ZNF385D: variants seen among roughly 807,000 people sequenced by gnomAD.
ZNF385D encodes the protein zinc finger protein 659.
ZNF385D carries 15 observed loss-of-function variants against 35.8 expected under a neutral mutation model. That is an observed-to-expected ratio of 0.42 (90% CI 0.28 to 0.64). The LOEUF (loss-of-function observed/expected upper bound fraction) is 0.64, where lower values mean the gene tolerates loss of function less well. Among genes scored for constraint, ZNF385D ranks in the 30% least tolerant of loss-of-function variants. The pLI, the probability that ZNF385D is intolerant of heterozygous loss-of-function variation, is 0.23. For missense variants in ZNF385D, 474 were observed against 494.6 expected, an observed-to-expected ratio of 0.96 and a Z score of 0.39; for synonymous variants, 212 against 186.8, an observed-to-expected ratio of 1.13 and a Z score of -1.10.
chr3:21,568,039 T>C (rs2063209424), intron 2 of ZNF385D, among the ~76,000 whole-genome samples: 1 of 151,866 alleles, frequency 6.6e-6, no homozygotes, highest in Non-Finnish European at 1.5e-5. Flanking sequence ...AGAGACAATT[T>C]TATTTCCCAG....
intron 3 of ZNF385D, chr3:21,562,035 G>GTGAT: frequency 7.0e-6 from 1 of 142,540 alleles, no homozygotes; most frequent in East Asian, 2.1e-4. Flanking sequence ...ATGACCCAAA[G>GTGAT]TGATTAGTCC....
At chr3:21,520,554 C>T (rs1371011458) in intron 3 of ZNF385D, among the ~76,000 whole-genome samples, 1 of 152,158 alleles carries the variant, frequency 6.6e-6, no homozygotes, top group Admixed American at 6.5e-5. Context: ...TGCTGGAAAA[C>T]CATCTGGCAC....
At chr3:22,024,310 T>C (rs1453215105) in intron 3 of ZNF385D, among the ~76,000 whole-genome samples, 2 of 151,996 alleles carry the variant, frequency 1.3e-5, no homozygotes, top group Non-Finnish European at 2.9e-5. Context: ...AACTCCCCTA[T>C]ATATGTGTGC....
intron 1 of ZNF385D, among the ~76,000 whole-genome samples, chr3:21,689,130 C>CAAAA (rs5847126): frequency 9.6e-5 from 11 of 114,326 alleles, no homozygotes; most frequent in Non-Finnish European, 1.2e-4. Flanking sequence ...CTTATTGAAG[C>CAAAA]AAAAAAAAAA....
At chr3:21,890,660 G>T (rs962909958) in intron 3 of ZNF385D, among the ~76,000 whole-genome samples, 1 of 151,856 alleles carries the variant, frequency 6.6e-6, no homozygotes, top group African/African-American at 2.4e-5. Context: ...GAGAAAAAAG[G>T]TAAGTTACGG....
intron 3 of ZNF385D, among the ~76,000 whole-genome samples, chr3:21,852,992 T>C (rs189502990): frequency 1.3e-5 from 2 of 151,846 alleles, no homozygotes; most frequent in African/African-American, 4.8e-5. Flanking sequence ...TAATAAAACA[T>C]CCCTCTGGAC....
At chr3:21,668,381 C>A (rs1429784591) in intron 1 of ZNF385D, among the ~76,000 whole-genome samples, 1 of 152,140 alleles carries the variant, frequency 6.6e-6, no homozygotes, top group Non-Finnish European at 1.5e-5. Context: ...TAGGCTGAGG[C>A]CTCTGCTGTG....
chr3:22,100,105 G>C (rs1339858658), intron 3 of ZNF385D, among the ~76,000 whole-genome samples: 2 of 148,428 alleles, frequency 1.3e-5, no homozygotes, highest in South Asian at 2.2e-4. Flanking sequence ...CTGGCCATCA[G>C]AGAAATGTAA....
chr3:21,674,593 A>G (rs2066668308), intron 1 of ZNF385D, among the ~76,000 whole-genome samples: 1 of 152,066 alleles, frequency 6.6e-6, no homozygotes. Context: ...TGCTCTTGAA[A>G]CCTACATCAA....
Position 21,984,175 on chromosome 3 carries a change from T to A in ZNF385D, c.325+184642A>T, listed in dbSNP as rs1448739022. 5.2e-5 allele frequency among the ~76,000 whole-genome samples: 7 copies of A among 134,600 alleles called. No homozygotes were observed. The South Asian group carries it at 1.3e-3, about 26-fold the overall frequency. The allele number at this position is 134,600 out of a possible 152,430, so 88.3% of individuals were successfully genotyped here. Reference sequence around the variant, plus strand: ...GCAGAAGCTCTTTAGTTTAATTAGATCCCATTTGTCAATTTTGGCTTTTGT... The same window carrying A: ...GCAGAAGCTCTTTAGTTTAATTAGAACCCATTTGTCAATTTTGGCTTTTGT... On this transcript the variant is annotated intron_variant, in intron 3 of 5. Transcript: ENST00000494108.
chr3:21,696,231 C>T (rs186892654), intron 1 of ZNF385D, among the ~76,000 whole-genome samples: 44 of 152,260 alleles, frequency 2.9e-4, no homozygotes, highest in Non-Finnish European at 5.3e-4. Flanking sequence ...AGTTTGAACA[C>T]GGACTTTGGA....
rs534914798 is a variant in ZNF385D at position 21,988,545 on chromosome 3, T to G, written c.325+180272A>C. On this transcript the variant is annotated intron_variant, in intron 3 of 5. Coordinates refer to the ZNF385D transcript ENST00000494108. Reference sequence around the variant, plus strand: ...GCCCGTTCTCAGATCTCCAGCTGCATGCTGGGAGAACCACTGCTCTGTTCA... The same window carrying G: ...GCCCGTTCTCAGATCTCCAGCTGCAGGCTGGGAGAACCACTGCTCTGTTCA... Among the ~76,000 whole-genome samples the G allele has an allele frequency of 1.1e-3, 166 of 149,366 alleles. 1 individual carries two copies. Among genetic ancestry groups the G allele is most frequent in the African/African-American group, 3.8e-3 (158 of 41,370 alleles).
At chr3:21,888,871 ACCACCTGCTACAG>A (rs1419479494) in intron 3 of ZNF385D, among the ~76,000 whole-genome samples, 7 of 152,216 alleles carry the variant, frequency 4.6e-5, no homozygotes, top group African/African-American at 1.7e-4. Flanking sequence ...CTCCTGTCTG[ACCACCTGCTACAG>A]CCAGTGACTT....
Position 22,094,391 on chromosome 3 carries a change from T to G in ZNF385D, c.325+74426A>C, listed in dbSNP as rs1302276761. Among the ~76,000 whole-genome samples the G allele has an allele frequency of 3.1e-4, 35 of 111,934 alleles. 1 individual carries two copies. Among genetic ancestry groups the G allele is most frequent in the African/African-American group, 8.7e-4 (32 of 36,698 alleles). 73.4% of individuals were successfully genotyped at this position (111,934 alleles called of 152,430 possible). ...TCTTCTGTCATTTATTGTTGATATA[T>G]ATATATATATATATATATAAAGGCA... On this transcript the variant is annotated intron_variant, in intron 3 of 5. Coordinates refer to the ZNF385D transcript ENST00000494108.
intron 2 of ZNF385D, among the ~76,000 whole-genome samples, chr3:21,641,344 G>A (rs1488320437): frequency 6.6e-6 from 1 of 151,912 alleles, no homozygotes; most frequent in Non-Finnish European, 1.5e-5. Flanking sequence ...ATAGGAGGAG[G>A]AGAAGGAAAA....
In ZNF385D at chr3:21,704,653, C is replaced by T. The variant is rs148837369; in HGVS notation, c.23-39625G>A. Among the ~76,000 whole-genome samples the T allele has an allele frequency of 4.1e-3, 629 of 152,010 alleles. 7 individuals are homozygous for T. The highest frequency in any genetic ancestry group is 0.014 in the African/African-American group (575 of 41,440). On this transcript the variant is annotated intron_variant, in intron 1 of 7. Transcript: ENST00000281523. Reference sequence around the variant, plus strand: ...TCACATGAGTAGCTGGGACTACAGGCATGCACCACCAGGCCCAGCTAGGAT... The same window carrying T: ...TCACATGAGTAGCTGGGACTACAGGTATGCACCACCAGGCCCAGCTAGGAT...
chr3:21,625,103 C>A (rs1043834475), intron 2 of ZNF385D, among the ~76,000 whole-genome samples: 5 of 151,878 alleles, frequency 3.3e-5, no homozygotes, highest in African/African-American at 1.2e-4. Flanking sequence ...AATTGACTTT[C>A]GGAAAAGACT....
Position 21,907,261 on chromosome 3 carries a change from A to G in ZNF385D, c.326-242233T>C, listed in dbSNP as rs1262619164. Among the ~76,000 whole-genome samples the G allele has an allele frequency of 2.0e-5, 3 of 152,330 alleles. No homozygotes were observed. In the East Asian group the frequency reaches 5.8e-4, roughly 29 times the overall value. On this transcript the variant is annotated intron_variant, in intron 3 of 5. Coordinates refer to the ZNF385D transcript ENST00000494108. ...TCTGTAACAACATTTTAAAAATAGA[A>G]TAATTATAACTATCATCCAGAGACA...
chr3:22,029,663 T>A (rs1158607540), intron 3 of ZNF385D, among the ~76,000 whole-genome samples: 1 of 152,250 alleles, frequency 6.6e-6, no homozygotes. Flanking sequence ...TTTTTCTTTA[T>A]CACGTGACAT....
Sources: allele counts gnomAD v4.1 joint callset (sites outside exome capture counted in the v4.1 genomes callset), GRCh38; gene constraint gnomAD v4.1.1; transcripts MANE v1.5; gene names NCBI Gene and HGNC (gene_info 2026-07-23, HGNC 2026-07-21).